The following SSPN variants were observed in gnomAD, a reference collection of about 807,000 sequenced individuals.
SSPN encodes sarcospan.
A neutral mutation model predicts 19.1 loss-of-function variants in SSPN; 15 were observed. The ratio of observed to expected loss-of-function variants is 0.78; its 90% CI spans 0.52 to 1.21. The LOEUF (loss-of-function observed/expected upper bound fraction) is 1.21, where lower values mean the gene tolerates loss of function less well. Among genes scored for constraint, SSPN ranks in the 50% most tolerant of loss-of-function variants. The pLI is 0.00. For missense variants in SSPN, 291 were observed against 314.0 expected (o/e 0.93, Z 0.55); for synonymous variants, 147 against 140.3 (o/e 1.05, Z -0.34).
At chr12:26,183,760 CT>C (rs1192591083) in intron 1 of SSPN, among the ~76,000 whole-genome samples, 1 of 152,202 alleles carries the variant, frequency 6.6e-6, no homozygotes, top group Non-Finnish European at 1.5e-5. Context: ...AAGTTGCTGG[CT>C]GGGCTTTGTA....
chr12:26,122,142 G>T (rs1222562481), exon 1 of SSPN: 1 of 1,548,636 alleles, frequency 6.5e-7, no homozygotes, highest in Admixed American at 2.0e-5. Context: ...GCGGGGCCCG[G>T]CGAAGGGCAG....
intron 1 of SSPN, chr12:26,122,575 C>A: frequency 2.7e-6 from 3 of 1,107,126 alleles, no homozygotes; most frequent in Middle Eastern, 3.9e-4. Flanking sequence ...CTCAGCAGCG[C>A]GGCCGCGGCG....
rs529390143 is a variant in SSPN at position 26,122,653 on chromosome 12, C to G, written c.-31+501C>G. 14 of 1,366,850 alleles carry G rather than the reference C, an allele frequency of 1.0e-5. No homozygotes were observed. The highest frequency in any genetic ancestry group is 1.2e-5 in the Non-Finnish European group (13 of 1,056,866). The allele number at this position is 1,366,850 out of a possible 1,614,324, so 84.7% of individuals were successfully genotyped here. A position where few individuals can be genotyped will look rare whatever the true frequency, so the allele number is the denominator to read the frequency against. On this transcript the variant is annotated intron_variant, in intron 1 of 2. Coordinates refer to the SSPN transcript ENST00000538142. The stretch of plus-strand genomic sequence containing the variant: ...CCGCCCCCCGGGCCGCCGCCGCTGC[C>G]GCCGCCGCGGGAATCCAGCTTCATC...
At chr12:26,150,419 A>G (rs1446204346) in intron 1 of SSPN, among the ~76,000 whole-genome samples, 1 of 152,202 alleles carries the variant, frequency 6.6e-6, no homozygotes, top group Admixed American at 6.5e-5. Context: ...CTGATGCTAT[A>G]AACTGGTTTA....
chr12:26,161,022 C>T (rs1244552637), intron 1 of SSPN, among the ~76,000 whole-genome samples: 2 of 148,284 alleles, frequency 1.3e-5, no homozygotes, highest in African/African-American at 5.0e-5. Context: ...GCAGGAGAAT[C>T]GTTTGAACCC....
chr12:26,176,660 G>A (rs1294059245), intron 1 of SSPN, among the ~76,000 whole-genome samples: 1 of 152,142 alleles, frequency 6.6e-6, no homozygotes, highest in African/African-American at 2.4e-5. Context: ...TCCAAAAATA[G>A]TTGAGATTTA....
chr12:26,147,078 A>G (rs962829837), intron 1 of SSPN, among the ~76,000 whole-genome samples: 1 of 152,084 alleles, frequency 6.6e-6, no homozygotes, highest in Non-Finnish European at 1.5e-5. Flanking sequence ...TTTTCCAAGG[A>G]TGCTCTTCAA....
chr12:26,147,481 G>A (rs544136749), intron 1 of SSPN, among the ~76,000 whole-genome samples: 3 of 152,254 alleles, frequency 2.0e-5, no homozygotes, highest in Admixed American at 1.3e-4. Context: ...ATGTTGGCCA[G>A]GTTGGTCTTG....
intron 2 of SSPN, among the ~76,000 whole-genome samples, chr12:26,227,044 G>A (rs1197554253): frequency 1.3e-5 from 2 of 152,096 alleles, no homozygotes; most frequent in Non-Finnish European, 2.9e-5. Context: ...ACACCCGCAA[G>A]ACAGATGCCT....
chr12:26,134,589 A>G (rs148823447), intron 1 of SSPN, among the ~76,000 whole-genome samples: 91 of 152,368 alleles, frequency 6.0e-4, no homozygotes, highest in Non-Finnish European at 1.1e-3. Context: ...CCACCAAATC[A>G]TCTATACACT....
At chr12:26,127,768 G>T (rs1333112489) in intron 1 of SSPN, among the ~76,000 whole-genome samples, 2 of 151,436 alleles carry the variant, frequency 1.3e-5, no homozygotes, top group Admixed American at 1.3e-4. Flanking sequence ...TTTCACCCTG[G>T]TGACTCTTCT....
intron 1 of SSPN, among the ~76,000 whole-genome samples, chr12:26,160,346 TC>T (rs1352247338): frequency 2.0e-5 from 3 of 152,258 alleles, no homozygotes; most frequent in Non-Finnish European, 4.4e-5. Flanking sequence ...GGCCTTTTGC[TC>T]TTAAATGGGC....
chr12:26,122,954 G>A (rs369659505), intron 1 of SSPN: 72 of 1,558,128 alleles, frequency 4.6e-5, no homozygotes, highest in African/African-American at 6.8e-5. Flanking sequence ...CGGTGCCTTT[G>A]CTCAGAGGGA....
intron 1 of SSPN, among the ~76,000 whole-genome samples, chr12:26,168,668 G>C (rs982681591): frequency 1.3e-5 from 2 of 152,232 alleles, no homozygotes; most frequent in African/African-American, 4.8e-5. Context: ...AGAAGGTTTC[G>C]TGGAGGGGAT....
chr12:26,143,157 T>C (rs1944470447), intron 1 of SSPN, among the ~76,000 whole-genome samples: 1 of 152,244 alleles, frequency 6.6e-6, no homozygotes, highest in Admixed American at 6.5e-5. Context: ...TTTTGGAAAG[T>C]AGCCTTTATT....
At chr12:26,164,339 A>G (rs1213415005) in intron 1 of SSPN, among the ~76,000 whole-genome samples, 1 of 152,240 alleles carries the variant, frequency 6.6e-6, no homozygotes, top group Non-Finnish European at 1.5e-5. Context: ...GAATCTCACC[A>G]GGTGATTCTT....
chr12:26,127,089 C>T (rs1944371212), intron 1 of SSPN, among the ~76,000 whole-genome samples: 1 of 152,154 alleles, frequency 6.6e-6, no homozygotes. Flanking sequence ...AAAATTAAAA[C>T]ACCAGGTCCC....
intron 1 of SSPN, among the ~76,000 whole-genome samples, chr12:26,136,548 G>C (rs765989383): frequency 1.3e-5 from 2 of 152,182 alleles, no homozygotes; most frequent in Non-Finnish European, 2.9e-5. Flanking sequence ...AGCAATAAAT[G>C]ATAGCTATTA....
intron 1 of SSPN, among the ~76,000 whole-genome samples, chr12:26,186,310 T>C (rs1944754078): frequency 6.6e-6 from 1 of 152,180 alleles, no homozygotes. Flanking sequence ...CACTTAATTT[T>C]ATGATTTAGG....
Sources: gnomAD v4.1 joint callset for allele counts (sites outside exome capture counted in the v4.1 genomes callset) on GRCh38, gnomAD v4.1.1 for gene constraint, MANE v1.5 for transcripts, NCBI Gene and HGNC (gene_info 2026-07-23, HGNC 2026-07-21) for gene names.